The following GRIN3A variants were observed in gnomAD, a reference collection of about 807,000 sequenced individuals.
The protein encoded by GRIN3A is glutamate ionotropic receptor NMDA type subunit 3A.
A neutral mutation model predicts 92.4 loss-of-function variants in GRIN3A; 47 were observed. The ratio of observed to expected loss-of-function variants is 0.51; its 90% CI spans 0.40 to 0.65. The LOEUF (loss-of-function observed/expected upper bound fraction) is 0.65, where lower values mean the gene tolerates loss of function less well. Ranked by LOEUF, GRIN3A falls within the 30% of genes least tolerant of loss-of-function variation. The pLI is 0.00. For synonymous variants in GRIN3A, 527 were observed against 540.6 expected, an observed-to-expected ratio of 0.97 and a Z score of 0.35; for missense variants, 1,324 against 1,393.1, an observed-to-expected ratio of 0.95 and a Z score of 0.79.
chr9:101,686,746 A>G lies in GRIN3A; in HGVS notation c.1154T>C (p.Phe385Ser), dbSNP rs1218188125. 2 of 1,614,176 alleles carry G rather than the reference A, an allele frequency of 1.2e-6. No homozygotes were observed. Among genetic ancestry groups the G allele is most frequent in the South Asian group, 1.1e-5 (1 of 91,086 alleles). Residue 385 changes from phenylalanine to serine, a missense_variant, in exon 2 of 9, where the codon TTT becomes TCT. By Grantham distance (155) the Phe-to-Ser change is radical. Coordinates refer to ENST00000361820, the MANE Select transcript of GRIN3A (RefSeq NM_133445.3). ...IAHGKTTQSV[F>S]EHYVQDAMEL... The stretch of plus-strand genomic sequence containing the variant: ...CATAGCATCTTGTACGTAGTGCTCA[A>G]AGACAGACTGTGTTGTTTTTCCATG...
At chr9:101,646,551 G>T (rs1263323919) in intron 3 of GRIN3A, among the ~76,000 whole-genome samples, 1 of 151,802 alleles carries the variant, frequency 6.6e-6, no homozygotes, top group Non-Finnish European at 1.5e-5. Context: ...CTATTTCTTT[G>T]AAGAATATCA....
At chr9:101,632,633 G>T (rs567153078) in intron 3 of GRIN3A, among the ~76,000 whole-genome samples, 209 of 152,086 alleles carry the variant, frequency 1.4e-3, no homozygotes, top group Non-Finnish European at 2.6e-3. Flanking sequence ...CATTCAAAAT[G>T]ATATATTCTT....
At chr9:101,733,347 A>G (rs1830163255) in intron 1 of GRIN3A, among the ~76,000 whole-genome samples, 1 of 152,232 alleles carries the variant, frequency 6.6e-6, no homozygotes, top group Non-Finnish European at 1.5e-5. Flanking sequence ...GTAAATAACT[A>G]AATTAAAAAA....
chr9:101,624,677 A>G (rs1055998654), intron 4 of GRIN3A, among the ~76,000 whole-genome samples: 5 of 152,196 alleles, frequency 3.3e-5, no homozygotes, highest in South Asian at 2.1e-4. Flanking sequence ...TAGTGCCACA[A>G]TAAACATACA....
At chr9:101,659,388 G>GTATC (rs1292689764) in intron 3 of GRIN3A, among the ~76,000 whole-genome samples, 1 of 141,042 alleles carries the variant, frequency 7.1e-6, no homozygotes, top group African/African-American at 2.6e-5. Context: ...TACATAGAAA[G>GTATC]TATCTATGTA....
In GRIN3A at chr9:101,665,221, C is replaced by T. The variant is rs559897202; in HGVS notation, c.2352+4839G>A. Among the ~76,000 whole-genome samples the T allele has an allele frequency of 5.9e-5, 9 of 151,958 alleles. No individual in the cohort carries two copies. The South Asian group carries it at 1.9e-3, about 32-fold the overall frequency. ...TTTTAGATTTGGGGTGTCTGGATCGCCTCTAAGAGGTAAAAACATCAATTC... is the reference window on the plus strand; with the variant it reads ...TTTTAGATTTGGGGTGTCTGGATCGTCTCTAAGAGGTAAAAACATCAATTC... On this transcript the variant is annotated intron_variant, in intron 3 of 8. Transcript: ENST00000361820.
chr9:101,675,058 G>C (rs1314023500), intron 2 of GRIN3A, among the ~76,000 whole-genome samples: 1 of 151,970 alleles, frequency 6.6e-6, no homozygotes, highest in African/African-American at 2.4e-5. Context: ...GAAAAATGGT[G>C]ACTAAGAGAC....
intron 1 of GRIN3A, among the ~76,000 whole-genome samples, chr9:101,708,835 C>T (rs571822718): frequency 3.0e-4 from 46 of 152,294 alleles, no homozygotes; most frequent in Middle Eastern, 3.4e-3. Context: ...AGTAACTTTG[C>T]AGACTGTCAC....
intron 1 of GRIN3A, among the ~76,000 whole-genome samples, chr9:101,706,487 A>G (rs1017421067): frequency 2.0e-5 from 3 of 152,214 alleles, no homozygotes; most frequent in South Asian, 2.1e-4. Context: ...GTCACTTGCA[A>G]ATAAAGCCAT....
At chr9:101,714,035 A>G (rs1829913486) in intron 1 of GRIN3A, among the ~76,000 whole-genome samples, 1 of 152,232 alleles carries the variant, frequency 6.6e-6, no homozygotes. Context: ...TCTGAAAAAT[A>G]AAAATTAAAA....
At chr9:101,698,449 G>T (rs183315421) in intron 1 of GRIN3A, among the ~76,000 whole-genome samples, 6 of 152,194 alleles carry the variant, frequency 3.9e-5, no homozygotes, top group African/African-American at 1.2e-4. Flanking sequence ...AACGATGAGG[G>T]TACTGTCATT....
At chr9:101,600,632 T>C (rs897140568) in intron 6 of GRIN3A, among the ~76,000 whole-genome samples, 2 of 151,620 alleles carry the variant, frequency 1.3e-5, no homozygotes, top group Non-Finnish European at 1.5e-5. Context: ...GTGTTCCAGG[T>C]AGAAGAAACT....
At chr9:101,593,129 C>T (rs1452663539) in intron 6 of GRIN3A, 1 of 152,118 alleles carries the variant, frequency 6.6e-6, no homozygotes. Context: ...ACAAATTCTC[C>T]AAAACAAAAC....
chr9:101,611,884 T>C (rs890177087), intron 6 of GRIN3A, among the ~76,000 whole-genome samples: 1 of 152,092 alleles, frequency 6.6e-6, no homozygotes, highest in African/African-American at 2.4e-5. Flanking sequence ...AGCTGGAAGT[T>C]TATAATATAA....
At chr9:101,691,584 C>T (rs1366925381) in intron 1 of GRIN3A, among the ~76,000 whole-genome samples, 2 of 152,276 alleles carry the variant, frequency 1.3e-5, no homozygotes, top group East Asian at 3.9e-4. Flanking sequence ...AAAATGTAGT[C>T]TCATTTTGAC....
At chr9:101,617,462 A>G (rs943465300) in intron 5 of GRIN3A, among the ~76,000 whole-genome samples, 1 of 152,162 alleles carries the variant, frequency 6.6e-6, no homozygotes, top group African/African-American at 2.4e-5. Context: ...TTTCAGAGAC[A>G]TTTATAAAAA....
intron 3 of GRIN3A, among the ~76,000 whole-genome samples, chr9:101,663,327 A>T (rs1829199855): frequency 6.6e-6 from 1 of 151,836 alleles, no homozygotes; most frequent in African/African-American, 2.4e-5. Flanking sequence ...TGCTCCTTTG[A>T]TTAATGTTTC....
At chr9:101,603,240 G>T (rs1466470780) in intron 6 of GRIN3A, among the ~76,000 whole-genome samples, 1 of 152,112 alleles carries the variant, frequency 6.6e-6, no homozygotes, top group Non-Finnish European at 1.5e-5. Flanking sequence ...TTCGAGATGG[G>T]ACCAAGATGG....
At chr9:101,629,235 A>C (rs1403160797) in intron 3 of GRIN3A, among the ~76,000 whole-genome samples, 1 of 152,174 alleles carries the variant, frequency 6.6e-6, no homozygotes, top group Non-Finnish European at 1.5e-5. Flanking sequence ...AAACATGTAT[A>C]CATTTATTTA....
Sources: allele counts gnomAD v4.1 joint callset (sites outside exome capture counted in the v4.1 genomes callset), GRCh38; gene constraint gnomAD v4.1.1; transcripts MANE v1.5; gene names NCBI Gene and HGNC (gene_info 2026-07-23, HGNC 2026-07-21).